The following STXBP6 variants were observed in gnomAD, a reference collection of about 807,000 sequenced individuals.
The protein encoded by STXBP6 is syntaxin binding protein 6.
In STXBP6, 21 loss-of-function variants were observed where a neutral mutation model predicts 26.9. The ratio of observed to expected loss-of-function variants is 0.78; its 90% CI spans 0.55 to 1.12. STXBP6 has a LOEUF of 1.12. Ranked by LOEUF, STXBP6 falls within the 50% of genes most tolerant of loss-of-function variation. The pLI, the probability that STXBP6 is intolerant of heterozygous loss-of-function variation, is 0.00. For missense variants in STXBP6, 232 were observed against 257.9 expected (o/e 0.90, Z 0.69); for synonymous variants, 97 against 92.6 (o/e 1.05, Z -0.27).
intron 5 of STXBP6, chr14:24,816,014 T>C (rs989227188): frequency 1.6e-4 from 24 of 152,364 alleles, no homozygotes; most frequent in African/African-American, 5.3e-4. Flanking sequence ...CATTGACTCT[T>C]GCACCTGGGT....
intron 1 of STXBP6, among the ~76,000 whole-genome samples, chr14:25,032,734 A>G (rs1713699081): frequency 6.6e-6 from 1 of 152,218 alleles, no homozygotes; most frequent in Admixed American, 6.5e-5. Flanking sequence ...TACCAAATAC[A>G]TAACCCTCAC....
intron 2 of STXBP6, among the ~76,000 whole-genome samples, chr14:24,914,690 T>G (rs2071697335): frequency 6.6e-6 from 1 of 152,214 alleles, no homozygotes; most frequent in African/African-American, 2.4e-5. Context: ...TCCGTTGTCA[T>G]GAAGACTTCC....
chr14:24,882,730 T>C (rs997784781), intron 2 of STXBP6, among the ~76,000 whole-genome samples: 3 of 152,222 alleles, frequency 2.0e-5, no homozygotes, highest in African/African-American at 4.8e-5. Context: ...CATTGATAGA[T>C]AGAACCCTTA....
At chr14:25,002,265 T>C (rs2074777708) in intron 1 of STXBP6, among the ~76,000 whole-genome samples, 1 of 152,168 alleles carries the variant, frequency 6.6e-6, no homozygotes, top group South Asian at 2.1e-4. Context: ...GACAGACTAT[T>C]TCACAAAAAG....
intron 2 of STXBP6, among the ~76,000 whole-genome samples, chr14:24,935,371 G>C (rs1195321477): frequency 6.6e-6 from 1 of 152,116 alleles, no homozygotes; most frequent in Non-Finnish European, 1.5e-5. Flanking sequence ...TAAGAGAAGT[G>C]TCAAAACAAA....
intron 2 of STXBP6, among the ~76,000 whole-genome samples, chr14:24,904,045 T>C (rs1037723048): frequency 2.0e-5 from 3 of 152,156 alleles, no homozygotes; most frequent in Non-Finnish European, 4.4e-5. Flanking sequence ...AATGATGACA[T>C]TCAGTCACAC....
intron 2 of STXBP6, among the ~76,000 whole-genome samples, chr14:24,947,843 G>A (rs1313201709): frequency 6.6e-6 from 1 of 152,002 alleles, no homozygotes; most frequent in African/African-American, 2.4e-5. Context: ...CACTTCTCAA[G>A]ATGTACCTTT....
intron 1 of STXBP6, among the ~76,000 whole-genome samples, chr14:24,979,445 G>T (rs984911096): frequency 6.6e-6 from 1 of 152,206 alleles, no homozygotes; most frequent in Non-Finnish European, 1.5e-5. Context: ...AAATCAGCTA[G>T]TCTTTCCTAC....
At chr14:25,028,007 C>G (rs1427738385) in intron 1 of STXBP6, among the ~76,000 whole-genome samples, 1 of 152,154 alleles carries the variant, frequency 6.6e-6, no homozygotes, top group Admixed American at 6.5e-5. Flanking sequence ...AGAAAAAAAG[C>G]TGGAAGCTAG....
At chr14:24,853,016 T>C (rs963213740) in intron 4 of STXBP6, among the ~76,000 whole-genome samples, 2 of 152,134 alleles carry the variant, frequency 1.3e-5, no homozygotes, top group African/African-American at 2.4e-5. Flanking sequence ...AAGTCTGCTA[T>C]AAAAATTAAA....
At chr14:25,024,479 G>C (rs760243228) in intron 1 of STXBP6, among the ~76,000 whole-genome samples, 2 of 152,116 alleles carry the variant, frequency 1.3e-5, no homozygotes, top group African/African-American at 4.8e-5. Context: ...GATCCTGTGG[G>C]ATCAGTTTCC....
At chr14:24,912,459 A>T (rs1171238611) in intron 2 of STXBP6, among the ~76,000 whole-genome samples, 1 of 150,034 alleles carries the variant, frequency 6.7e-6, no homozygotes, top group South Asian at 2.1e-4. Context: ...AAAAAAAAAA[A>T]GTGAAATGCA....
At chr14:25,025,930 C>T (rs2075341489) in intron 1 of STXBP6, among the ~76,000 whole-genome samples, 1 of 152,158 alleles carries the variant, frequency 6.6e-6, no homozygotes, top group Non-Finnish European at 1.5e-5. Context: ...ATTGGCTCCC[C>T]AACTGCCCTT....
At position 25,048,694 on chromosome 14, in the gene STXBP6, G is replaced by C. The variant is rs140518138; in HGVS notation, c.-33+1184C>G. Among the ~76,000 whole-genome samples, 986 of 152,334 alleles carry C rather than the reference G, an allele frequency of 6.5e-3. 7 individuals carry two copies. The highest frequency in any genetic ancestry group is 0.01 in the Non-Finnish European group (707 of 68,028). On this transcript the variant is annotated intron_variant, in intron 1 of 5. Transcript: ENST00000323944. ...ATCATTTCTGGACCGATTCCCACTA[G>C]CAGCCTCTGAGACGAACAGCAGCTC...
intron 4 of STXBP6, among the ~76,000 whole-genome samples, chr14:24,855,374 G>A (rs565164369): frequency 4.9e-4 from 74 of 152,148 alleles, no homozygotes; most frequent in African/African-American, 1.7e-3. Flanking sequence ...AATGTGCTAA[G>A]CACCCTCTAA....
At chr14:24,918,039 T>C (rs2071830651) in intron 2 of STXBP6, among the ~76,000 whole-genome samples, 3 of 151,992 alleles carry the variant, frequency 2.0e-5, no homozygotes, top group African/African-American at 7.2e-5. Flanking sequence ...ATGGTTCCAG[T>C]GATGTAAGAT....
intron 4 of STXBP6, among the ~76,000 whole-genome samples, chr14:24,824,310 C>T: frequency 6.6e-6 from 1 of 152,104 alleles, no homozygotes; most frequent in East Asian, 1.9e-4. Context: ...TACTTCTGCC[C>T]CCATCCATGG....
intron 2 of STXBP6, among the ~76,000 whole-genome samples, chr14:24,899,948 C>T (rs1225652085): frequency 1.3e-5 from 2 of 152,094 alleles, no homozygotes; most frequent in Non-Finnish European, 2.9e-5. Flanking sequence ...CCTTGGATAT[C>T]ATTAGTACCA....
intron 2 of STXBP6, among the ~76,000 whole-genome samples, chr14:24,869,197 C>G (rs2139314259): frequency 6.6e-6 from 1 of 152,266 alleles, no homozygotes; most frequent in South Asian, 2.1e-4. Context: ...TTCACCCACC[C>G]TACTCTCTTT....
Sources: allele counts gnomAD v4.1 joint callset (sites outside exome capture counted in the v4.1 genomes callset), GRCh38; gene constraint gnomAD v4.1.1; transcripts MANE v1.5; gene names NCBI Gene and HGNC (gene_info 2026-07-23, HGNC 2026-07-21).